The following FOXK1 variants were observed in gnomAD, a reference collection of about 807,000 sequenced individuals.
The protein encoded by FOXK1 is forkhead box K1, also known as forkhead box protein K1.
Under a neutral mutation model 51.9 loss-of-function variants are expected in FOXK1, and 19 were observed. The ratio of observed to expected loss-of-function variants is 0.37; its 90% confidence interval spans 0.26 to 0.54. The LOEUF (loss-of-function observed/expected upper bound fraction) is 0.54, where lower values mean the gene tolerates loss of function less well. Ranked by LOEUF, FOXK1 falls within the 20% of genes least tolerant of loss-of-function variation. The pLI is 0.87. For missense variants in FOXK1, 870 were observed against 1,032.7 expected (o/e 0.84, Z 2.16); for synonymous variants, 537 against 482.6 (o/e 1.11, Z -1.48).
chr7:4,725,422 G>A (rs1224098403), intron 1 of FOXK1, among the ~76,000 whole-genome samples: 3 of 152,244 alleles, frequency 2.0e-5, no homozygotes, highest in Admixed American at 6.5e-5. Flanking sequence ...AGTGAAACCG[G>A]GCTTAGTTGT....
rs932701772 is a variant in FOXK1 at position 4,768,537 on chromosome 7, C to G, written c.*6073C>G. The G allele has an allele frequency of 2.0e-5, 3 of 152,532 alleles. No individual in the cohort carries two copies. The highest frequency in any genetic ancestry group is 7.2e-5 in the African/African-American group (3 of 41,456). 9.4% of individuals were successfully genotyped at this position (152,532 alleles called of 1,614,324 possible). On this transcript the variant is annotated 3_prime_UTR_variant, in exon 9 of 9. Transcript: ENST00000328914. The stretch of plus-strand genomic sequence containing the variant: ...CTTTTCCGGCCCCGTCCCAGCTCCT[C>G]CTCAGGCAGAGGCTGCAGCCCTCAG...
rs974093641 is a variant in FOXK1, at chr7:4,715,132, G to A, written c.561-25706G>A. Among the ~76,000 whole-genome samples the A allele has an allele frequency of 2.7e-4, 36 of 132,908 alleles. No individual in the cohort carries two copies. The highest frequency in any genetic ancestry group is 1.0e-3 in the African/African-American group (32 of 31,660). 87.2% of individuals were successfully genotyped at this position (132,908 alleles called of 152,430 possible). A position where few individuals can be genotyped will look rare whatever the true frequency, so the allele number is the denominator to read the frequency against. On this transcript the variant is annotated intron_variant, in intron 1 of 8. Transcript: ENST00000328914. The surrounding 1 kb of genome is among the most constrained non-coding windows in gnomAD (Gnocchi z 4.5). ...AGTGCAGCTGGAATTGTGATATAGT[G>A]CACGGTGGAATTGTGATACGGTACA... is the stretch of plus-strand genomic sequence containing the variant.
chr7:4,730,126 A>G lies in FOXK1; in HGVS notation c.561-10712A>G, dbSNP rs1780431360. ...GCTGTCTTTTCTTTTTCCAAATAGG[A>G]CATGCTTATTTGCCTGATTACAAAA... On this transcript the variant is annotated intron_variant, in intron 1 of 8. Transcript: ENST00000328914. The surrounding 1 kb of genome is among the most constrained non-coding windows in gnomAD (Gnocchi z 4.7). 6.6e-6 allele frequency among the ~76,000 whole-genome samples: 1 copy of G among 152,222 alleles called. No individual in the cohort carries two copies. The highest frequency in any genetic ancestry group is 1.5e-5 in the Non-Finnish European group (1 of 68,042).
rs1252429025 is a variant in FOXK1, at chr7:4,749,212, A to G, written c.747-5247A>G. On this transcript the variant is annotated intron_variant, in intron 2 of 8. Coordinates refer to ENST00000328914, the MANE Select transcript of FOXK1 (RefSeq NM_001037165.2). This position sits in a 1 kb window ranked among gnomAD's most constrained non-coding sequence, Gnocchi z 6.0. The stretch of plus-strand genomic sequence containing the variant: ...TTGCATGCTGTTCTTACTGTCCTAC[A>G]GAGACGGCATCGTTACCTCCCTAGG... Among the ~76,000 whole-genome samples the G allele has an allele frequency of 6.6e-6, 1 of 152,164 alleles. No individual in the cohort carries two copies. Among genetic ancestry groups the G allele is most frequent in the Non-Finnish European group, 1.5e-5 (1 of 68,020 alleles).
chr7:4,701,243 G>A (rs1440632373), intron 1 of FOXK1, among the ~76,000 whole-genome samples: 2 of 152,142 alleles, frequency 1.3e-5, no homozygotes, highest in Non-Finnish European at 2.9e-5. Flanking sequence ...GAGAATGGGA[G>A]CTCAAAGGAC....
intron 1 of FOXK1, among the ~76,000 whole-genome samples, chr7:4,699,954 C>T (rs1212018713): frequency 6.6e-6 from 1 of 152,152 alleles, no homozygotes; most frequent in African/African-American, 2.4e-5. Flanking sequence ...CGGCTAGGAC[C>T]TCCAAATAAC....
chr7:4,729,398 T>G lies in FOXK1; in HGVS notation c.561-11440T>G, dbSNP rs7793918. Among the ~76,000 whole-genome samples, 106,776 of 151,598 alleles carry G rather than the reference T, an allele frequency of 0.7. 39,266 individuals are homozygous for G. The highest frequency in any genetic ancestry group is 0.91 in the African/African-American group (37,867 of 41,408). On this transcript the variant is annotated intron_variant, in intron 1 of 8. Transcript: ENST00000328914. The surrounding 1 kb of genome is among the most constrained non-coding windows in gnomAD (Gnocchi z 6.2). ...GTGGGAGTCACCACGGGTCCCCATG[T>G]TGGGATTGGGAAGCAGTCACCTACC...
At chr7:4,687,751 A>G (rs569369751) in intron 1 of FOXK1, among the ~76,000 whole-genome samples, 26 of 152,254 alleles carry the variant, frequency 1.7e-4, no homozygotes, top group African/African-American at 5.3e-4. Context: ...TTTATAGTAA[A>G]TGTGGATGGC....
intron 1 of FOXK1, among the ~76,000 whole-genome samples, chr7:4,694,466 A>G (rs973253092): frequency 2.6e-5 from 4 of 152,172 alleles, no homozygotes; most frequent in African/African-American, 9.7e-5. Flanking sequence ...CCTGTTCTGA[A>G]AAAGCTTTGC....
chr7:4,752,544 G>T (rs928857139), intron 2 of FOXK1, among the ~76,000 whole-genome samples: 13 of 152,222 alleles, frequency 8.5e-5, no homozygotes, highest in African/African-American at 2.9e-4. Context: ...TGGAGTGCTG[G>T]GGGGTGCCCC....
Position 4,733,620 on chromosome 7 carries a change from C to T in FOXK1, c.561-7218C>T, listed in dbSNP as rs1257387397. 6.6e-6 allele frequency among the ~76,000 whole-genome samples: 1 copy of T among 152,220 alleles called. No individual in the cohort carries two copies. Among genetic ancestry groups the T allele is most frequent in the Non-Finnish European group, 1.5e-5 (1 of 68,036 alleles). Reference sequence around the variant, plus strand: ...GGACGTTTCTCTGTCTCCATGTTTGCTATAGAAGCAGGAGAGAAGGTGCTC... The same window carrying T: ...GGACGTTTCTCTGTCTCCATGTTTGTTATAGAAGCAGGAGAGAAGGTGCTC... On this transcript the variant is annotated intron_variant, in intron 1 of 8. Transcript: ENST00000328914. This position sits in a 1 kb window ranked among gnomAD's most constrained non-coding sequence, Gnocchi z 5.0.
chr7:4,758,796 C>A lies in FOXK1; in HGVS notation c.1245-255C>A, dbSNP rs113906586. 6.1e-4 allele frequency: 294 copies of A among 484,096 alleles called. 3 individuals carry two copies. Among genetic ancestry groups the A allele is most frequent in the African/African-American group, 5.3e-3 (262 of 49,328 alleles). The allele number at this position is 484,096 out of a possible 1,614,324, so 30.0% of individuals were successfully genotyped here. A position where few individuals can be genotyped will look rare whatever the true frequency, so the allele number is the denominator to read the frequency against. On this transcript the variant is annotated intron_variant, in intron 5 of 8. Transcript: ENST00000328914. The surrounding 1 kb of genome is among the most constrained non-coding windows in gnomAD (Gnocchi z 4.4). The stretch of plus-strand genomic sequence containing the variant: ...TGGAAGTGAACTCCGTAGGTTGTTG[C>A]GTTCACTGCAGCACCTCACATGATA...
chr7:4,753,096 A>G lies in FOXK1; in HGVS notation c.747-1363A>G, dbSNP rs532734569. Among the ~76,000 whole-genome samples, 24 of 152,276 alleles carry G rather than the reference A, an allele frequency of 1.6e-4. No individual in the cohort carries two copies. The highest frequency in any genetic ancestry group is 5.8e-4 in the African/African-American group (24 of 41,544). ...ATATTTGGGGAGTCCGTTGTAAGAGAGAATGGGAATTCCAGATCAGAGTCC... is the reference window on the plus strand; with the variant it reads ...ATATTTGGGGAGTCCGTTGTAAGAGGGAATGGGAATTCCAGATCAGAGTCC... On this transcript the variant is annotated intron_variant, in intron 2 of 8. Transcript: ENST00000328914. This position sits in a 1 kb window ranked among gnomAD's most constrained non-coding sequence, Gnocchi z 4.9.
Position 4,759,156 on chromosome 7 carries a change from C to A in FOXK1, c.1350C>A (p.Asp450Glu). Reference sequence around the variant, plus strand: ...GGGAGGGCTCCCCCATTCCACACGACCCTGAGTTTGGGTCCAAGTTAGCTT... The same window carrying A: ...GGGAGGGCTCCCCCATTCCACACGAACCTGAGTTTGGGTCCAAGTTAGCTT... ...LSREGSPIPH[D>E]PEFGSKLASV... Residue 450 changes from aspartate to glutamate, a missense_variant, in exon 6 of 9, where the codon GAC (aspartate) becomes GAA (glutamate). By Grantham distance (45) the Asp-to-Glu change is conservative. Coordinates refer to ENST00000328914, the MANE Select transcript of FOXK1 (RefSeq NM_001037165.2). The A allele has an allele frequency of 6.2e-7, 1 of 1,612,842 alleles. No individual in the cohort carries two copies. The highest frequency in any genetic ancestry group is 8.5e-7 in the Non-Finnish European group (1 of 1,179,898).
intron 2 of FOXK1, among the ~76,000 whole-genome samples, chr7:4,744,750 A>T (rs1780679532): frequency 6.6e-6 from 1 of 152,162 alleles, no homozygotes; most frequent in Admixed American, 6.5e-5. Flanking sequence ...TTGCTGCGGG[A>T]GCCAGGAAGG....
intron 1 of FOXK1, among the ~76,000 whole-genome samples, chr7:4,727,450 G>A (rs1232892097): frequency 6.6e-6 from 1 of 152,036 alleles, no homozygotes; most frequent in Non-Finnish European, 1.5e-5. Flanking sequence ...GGAGTAGCTG[G>A]GATTACAGGC....
In FOXK1 at chr7:4,756,903, AC is replaced by A; in HGVS notation, c.1051-88del. The A allele has an allele frequency of 7.0e-7, 1 of 1,423,048 alleles. No homozygotes were observed. Among genetic ancestry groups the A allele is most frequent in the South Asian group, 1.3e-5 (1 of 78,694 alleles). 88.2% of individuals were successfully genotyped at this position (1,423,048 alleles called of 1,614,324 possible). On this transcript the variant is annotated intron_variant, in intron 4 of 8. Coordinates refer to ENST00000328914, the MANE Select transcript of FOXK1 (RefSeq NM_001037165.2). This position sits in a 1 kb window ranked among gnomAD's most constrained non-coding sequence, Gnocchi z 4.1. ...CTGCACAGAGGGACGGCCTCCCCTC[AC>A]CCTGGTCCCGCATCTGCTGCAGATT...
intron 1 of FOXK1, among the ~76,000 whole-genome samples, chr7:4,726,444 A>T (rs4724035): frequency 6.6e-6 from 1 of 152,154 alleles, no homozygotes; most frequent in African/African-American, 2.4e-5. Flanking sequence ...ACATGATGAA[A>T]CCCTGTCTCT....
Position 4,682,534 on chromosome 7 carries a change from G to T in FOXK1, c.226G>T (p.Gly76Trp). 1 of 1,129,482 alleles carries T rather than the reference G, an allele frequency of 8.9e-7. No homozygotes were observed. The highest frequency in any genetic ancestry group is 1.1e-6 in the Non-Finnish European group (1 of 925,570). The allele number at this position is 1,129,482 out of a possible 1,614,324, so 70.0% of individuals were successfully genotyped here. A position where few individuals can be genotyped will look rare whatever the true frequency, so the allele number is the denominator to read the frequency against. The change falls in exon 1 of 9, where the codon GGG becomes TGG. Residue 76 changes from glycine to tryptophan, a missense_variant. Gly to Trp is a radical substitution (Grantham distance 184, BLOSUM62 -2). Coordinates refer to ENST00000328914, the MANE Select transcript of FOXK1 (RefSeq NM_001037165.2). The surrounding 1 kb of genome is among the most constrained non-coding windows in gnomAD (Gnocchi z 7.6). Reference protein sequence around the residue: ...AGAGSSGGSSGVSGDSAVAGA... With the variant: ...AGAGSSGGSSWVSGDSAVAGA... ...CGCGGGCTCCTCCGGGGGCTCCTCC[G>T]GGGTATCCGGGGACTCCGCGGTCGC...
Sources: gnomAD v4.1 joint callset for allele counts (sites outside exome capture counted in the v4.1 genomes callset) on GRCh38, gnomAD v4.1.1 for gene constraint, Gnocchi (gnomAD v3.1) non-coding constraint, MANE v1.5 for transcripts, NCBI Gene and HGNC (gene_info 2026-07-23, HGNC 2026-07-21) for gene names.